Variants in UTP14C observed in about 807,000 individuals in gnomAD.
UTP14C encodes the protein U3 small nucleolar RNA-associated protein 14 homolog C.
In UTP14C, 10 loss-of-function variants were observed where a neutral mutation model predicts 14.6. The observed-to-expected ratio is 0.68, with a 90% confidence interval of 0.42 to 1.16. The LOEUF is 1.16. UTP14C is among the 50% of genes most tolerant of loss of function. The pLI is 0.00. For missense variants in UTP14C, 818 were observed against 890.8 expected (o/e 0.92, Z 1.04); for synonymous variants, 315 against 331.6 (o/e 0.95, Z 0.54).
chr13:52,028,334 T>G lies in UTP14C; in HGVS notation c.-471T>G, dbSNP rs1064795803. The G allele has an allele frequency of 3.1e-6, 5 of 1,614,178 alleles. No individual in the cohort carries two copies. Among genetic ancestry groups the G allele is most frequent in the Non-Finnish European group, 4.2e-6 (5 of 1,180,028 alleles). ...TTTTTCTCAGGAGTTGTGGAGTGTATGGCAGCTGGCACAATTATCCTTGCA... is the reference window on the plus strand; with the variant it reads ...TTTTTCTCAGGAGTTGTGGAGTGTAGGGCAGCTGGCACAATTATCCTTGCA... On this transcript the variant is annotated 5_prime_UTR_variant, in exon 2 of 2. It removes an upstream start codon present in the reference 5' UTR. Transcript: ENST00000521776.
At position 52,031,123 on chromosome 13, in the gene UTP14C, G is replaced by T; in HGVS notation, c.*18G>T. 1 of 1,590,440 alleles carries T rather than the reference G, an allele frequency of 6.3e-7. No homozygotes were observed. Among genetic ancestry groups the T allele is most frequent in the Non-Finnish European group, 8.6e-7 (1 of 1,167,630 alleles). On this transcript the variant is annotated 3_prime_UTR_variant, in exon 2 of 2. Transcript: ENST00000521776. Reference sequence around the variant, plus strand: ...AACTGTAGGTTGTGTAGCTGGAGAAGTGACAGTCAGGGGCCCTGATTCCAC... The same window carrying T: ...AACTGTAGGTTGTGTAGCTGGAGAATTGACAGTCAGGGGCCCTGATTCCAC...
rs1252329542 is a variant in UTP14C at position 52,031,309 on chromosome 13, T to A, written c.*204T>A. On this transcript the variant is annotated 3_prime_UTR_variant, in exon 2 of 2. Transcript: ENST00000521776. ...ACATTAGAACACAGAAAAATTCTAG[T>A]ACATTTAAATTCTAAACAATACAGT... 2 of 746,426 alleles carry A rather than the reference T, an allele frequency of 2.7e-6. No homozygotes were observed. Among genetic ancestry groups the A allele is most frequent in the Non-Finnish European group, 4.2e-6 (2 of 475,844 alleles). 46.2% of individuals were successfully genotyped at this position (746,426 alleles called of 1,614,324 possible).
Position 52,030,460 on chromosome 13 carries a change from G to T in UTP14C, c.1656G>T (p.Glu552Asp), listed in dbSNP as rs1362246825. The T allele has an allele frequency of 1.2e-5, 19 of 1,614,128 alleles. No homozygotes were observed. Among genetic ancestry groups the T allele is most frequent in the Non-Finnish European group, 1.6e-5 (19 of 1,180,048 alleles). Reference protein sequence around the residue: ...NRPDAPKEKKEKEQLINLQNF... With the variant: ...NRPDAPKEKKDKEQLINLQNF... ...CTGATGCCCCTAAGGAGAAGAAAGAGAAGGAGCAACTGATCAACCTACAGA... is the reference window on the plus strand; with the variant it reads ...CTGATGCCCCTAAGGAGAAGAAAGATAAGGAGCAACTGATCAACCTACAGA... Residue 552 changes from glutamate to aspartate, a missense_variant, in exon 2 of 2, where the codon GAG becomes GAT. Transcript: ENST00000521776.
At position 52,028,492 on chromosome 13, in the gene UTP14C, C is replaced by T; in HGVS notation, c.-313C>T. On this transcript the variant is annotated 5_prime_UTR_variant, in exon 2 of 2. Coordinates refer to ENST00000521776, the MANE Select transcript of UTP14C (RefSeq NM_021645.6). ...TCTTTCCATGTCTGCAGAAAAGAGA[C>T]TCCAAATCAGAAAAAGTGCTCGTGC... 6.2e-7 allele frequency: 1 copy of T among 1,614,164 alleles called. No individual in the cohort carries two copies. Among genetic ancestry groups the T allele is most frequent in the Non-Finnish European group, 8.5e-7 (1 of 1,180,034 alleles).
At position 52,030,017 on chromosome 13, in the gene UTP14C, A is replaced by G. The variant is rs941883374; in HGVS notation, c.1213A>G (p.Ser405Gly). ...GCTTGCAGCTCATGAGGTTTCTGCA[A>G]GTGAGGCAGAAGAAAGACCAGTGGC... ...PELAAHEVSA[S>G]EAEERPVAEE... The change falls in exon 2 of 2, where the codon AGT becomes GGT. Residue 405 changes from serine (S) to glycine (G), a missense_variant. Transcript: ENST00000521776. 3.7e-6 allele frequency: 6 copies of G among 1,614,236 alleles called. No individual in the cohort carries two copies. The highest frequency in any genetic ancestry group is 1.7e-5 in the Admixed American group (1 of 60,026).
At chr13:52,025,201 A>G (rs1954229065) in intron 1 of UTP14C, among the ~76,000 whole-genome samples, 1 of 152,170 alleles carries the variant, frequency 6.6e-6, no homozygotes, top group Non-Finnish European at 1.5e-5. Flanking sequence ...AACCCGTTTG[A>G]TAGGTGTTAT....
rs1416945019 is a variant in UTP14C at position 52,031,238 on chromosome 13, AG to A, written c.*134del. 2 of 1,334,720 alleles carry A rather than the reference AG, an allele frequency of 1.5e-6. No individual in the cohort carries two copies. Among genetic ancestry groups the A allele is most frequent in the Non-Finnish European group, 1.0e-6 (1 of 990,336 alleles). 82.7% of individuals were successfully genotyped at this position (1,334,720 alleles called of 1,614,324 possible). A position where few individuals can be genotyped will look rare whatever the true frequency, so the allele number is the denominator to read the frequency against. ...TAGTTGAGCCACATTTTTTAAAAAA[AG>A]AAAATGGATGACCATTAATTGACTA... On this transcript the variant is annotated 3_prime_UTR_variant, in exon 2 of 2. Coordinates refer to ENST00000521776, the MANE Select transcript of UTP14C (RefSeq NM_021645.6).
chr13:52,030,986 A>G lies in UTP14C; in HGVS notation c.2182A>G (p.Ile728Val), dbSNP rs1003717136. 3 of 1,614,192 alleles carry G rather than the reference A, an allele frequency of 1.9e-6. No individual in the cohort carries two copies. The highest frequency in any genetic ancestry group is 2.2e-5 in the East Asian group (1 of 44,876). Reference protein sequence around the residue: ...PKVVTKPGHIIKPIKAEDVGY... With the variant: ...PKVVTKPGHIVKPIKAEDVGY... ...GGTCGTCACCAAGCCAGGCCATATC[A>G]TTAAGCCCATAAAAGCAGAGGATGT... Residue 728 changes from isoleucine (I) to valine (V), a missense_variant, in exon 2 of 2, where the codon ATT becomes GTT. Physicochemically the swap from Ile to Val is conservative, Grantham distance 29. Coordinates refer to ENST00000521776, the MANE Select transcript of UTP14C (RefSeq NM_021645.6).
intron 1 of UTP14C, among the ~76,000 whole-genome samples, chr13:52,026,230 A>G (rs1954239287): frequency 6.6e-6 from 1 of 152,204 alleles, no homozygotes. Flanking sequence ...CCCGAACAAT[A>G]GAGGTTAGCC....
intron 1 of UTP14C, 121 bp downstream of exon 1, chr13:52,025,058 C>G: frequency 8.9e-7 from 1 of 1,128,628 alleles, no homozygotes. Context: ...CCTCATCCAC[C>G]AAATGTGCTT....
rs1311810539 is a variant in UTP14C, at chr13:52,032,704, G to T, written c.*1599G>T. ...TCACAGGATGTTCTGACACACCATT[G>T]TAACTTTTTGTTAGAGATGATCCCA... is the stretch of plus-strand genomic sequence containing the variant. On this transcript the variant is annotated 3_prime_UTR_variant, in exon 2 of 2. Coordinates refer to ENST00000521776, the MANE Select transcript of UTP14C (RefSeq NM_021645.6). The T allele has an allele frequency of 1.2e-5, 2 of 167,034 alleles. No individual in the cohort carries two copies. The highest frequency in any genetic ancestry group is 1.9e-4 in the East Asian group (1 of 5,196). The allele number at this position is 167,034 out of a possible 1,614,324, so 10.3% of individuals were successfully genotyped here.
Position 52,030,831 on chromosome 13 carries a change from C to T in UTP14C, c.2027C>T (p.Ala676Val), listed in dbSNP as rs914877495. 2.5e-6 allele frequency: 4 copies of T among 1,614,186 alleles called. No homozygotes were observed. The highest frequency in any genetic ancestry group is 2.7e-5 in the African/African-American group (2 of 75,054). Residue 676 changes from alanine (A) to valine (V), a missense_variant, in exon 2 of 2, where the codon GCA (alanine) becomes GTA (valine). Physicochemically the swap from Ala to Val is moderately conservative, Grantham distance 64 (BLOSUM62 0). Transcript: ENST00000521776. ...ATCAGTGAGAAGCGCAACATCCACG[C>T]AGCAGCTCATCAGGTACAAGTGCTT... is the stretch of plus-strand genomic sequence containing the variant. ...VIISEKRNIHAAAHQVQVLPY... is the reference protein window; with the variant it reads ...VIISEKRNIHVAAHQVQVLPY...
At position 52,028,342 on chromosome 13, in the gene UTP14C, G is replaced by A. The variant is rs1320161159; in HGVS notation, c.-463G>A. ...AGGAGTTGTGGAGTGTATGGCAGCTGGCACAATTATCCTTGCACACAATTC... is the reference window on the plus strand; with the variant it reads ...AGGAGTTGTGGAGTGTATGGCAGCTAGCACAATTATCCTTGCACACAATTC... On this transcript the variant is annotated 5_prime_UTR_variant, in exon 2 of 2. Coordinates refer to ENST00000521776, the MANE Select transcript of UTP14C (RefSeq NM_021645.6). The A allele has an allele frequency of 6.2e-7, 1 of 1,614,090 alleles. No individual in the cohort carries two copies. Among genetic ancestry groups the A allele is most frequent in the African/African-American group, 1.3e-5 (1 of 75,012 alleles).
Position 52,030,643 on chromosome 13 carries a change from A to G in UTP14C, c.1839A>G (p.Glu613=). 1 of 1,614,200 alleles carries G rather than the reference A, an allele frequency of 6.2e-7. No individual in the cohort carries two copies. Among genetic ancestry groups the G allele is most frequent in the Non-Finnish European group, 8.5e-7 (1 of 1,180,028 alleles). Residue 613 remains glutamate, a synonymous_variant, in exon 2 of 2, where the codon GAA becomes GAG. Transcript: ENST00000521776. ...GAGATTTCTTGAAAGAGAAGAGGGA[A>G]GCTGTGGAGGCGAGTAAGCCAAAGG... ...VIRDFLKEKR[E]AVEASKPKDV...
chr13:52,025,080 G>C (rs1301389070), intron 1 of UTP14C, 143 bp downstream of exon 1: 1 of 899,342 alleles, frequency 1.1e-6, no homozygotes, highest in Admixed American at 2.0e-5. Flanking sequence ...CCTCACTTGA[G>C]ACCTTGTAAG....
chr13:52,025,697 T>G (rs1954233732), intron 1 of UTP14C, among the ~76,000 whole-genome samples: 1 of 152,226 alleles, frequency 6.6e-6, no homozygotes. Flanking sequence ...AGCACACATT[T>G]TGCTATAAAA....
Position 52,030,109 on chromosome 13 carries a change from C to T in UTP14C, c.1305C>T (p.Asn435=), listed in dbSNP as rs542071901. The T allele has an allele frequency of 6.2e-7, 1 of 1,614,184 alleles. No homozygotes were observed. The highest frequency in any genetic ancestry group is 8.5e-7 in the Non-Finnish European group (1 of 1,180,044). The part of the protein sequence containing the change: ...RQSLRKRSEL[N]QDAEPASSQE... ...CCCTTAGAAAAAGATCTGAGCTCAA[C>T]CAGGATGCTGAGCCAGCAAGCAGTC... The change falls in exon 2 of 2, where the codon AAC becomes AAT. Residue 435 remains asparagine, a synonymous_variant. Transcript: ENST00000521776.
At chr13:52,026,120 G>A (rs1954238248) in intron 1 of UTP14C, among the ~76,000 whole-genome samples, 2 of 152,236 alleles carry the variant, frequency 1.3e-5, no homozygotes, top group African/African-American at 4.8e-5. Context: ...CTATGCTAAG[G>A]AAGTGCAGGG....
At position 52,028,627 on chromosome 13, in the gene UTP14C, C is replaced by G. The variant is rs781333143; in HGVS notation, c.-178C>G. On this transcript the variant is annotated 5_prime_UTR_variant, in exon 2 of 2. Transcript: ENST00000521776. ...TAAAATTAAAGATATTTTATATAAA[C>G]TGGTTAAACACCTTCATATGTAAAT... 1.0e-5 allele frequency: 16 copies of G among 1,587,842 alleles called. No individual in the cohort carries two copies. The East Asian group carries it at 1.8e-4, about 18-fold the overall frequency.
Sources: allele counts gnomAD v4.1 joint callset (sites outside exome capture counted in the v4.1 genomes callset), GRCh38; gene constraint gnomAD v4.1.1; transcripts MANE v1.5; gene names NCBI Gene and HGNC (gene_info 2026-07-23, HGNC 2026-07-21).